NRP1: variants seen among roughly 807,000 people sequenced by gnomAD.
The protein encoded by NRP1 is neuropilin 1, also known as neuropilin-1.
Under a neutral mutation model 106.7 loss-of-function variants are expected in NRP1, and 35 were observed. The ratio of observed to expected loss-of-function variants is 0.33; its 90% CI spans 0.25 to 0.43. The LOEUF is 0.43. Among genes scored for constraint, NRP1 ranks in the 20% least tolerant of loss-of-function variants. NRP1 has a pLI of 1.00. For missense variants in NRP1, 1,024 were observed against 1,170.4 expected, an observed-to-expected ratio of 0.87 and a Z score of 1.83; for synonymous variants, 437 against 417.9, an observed-to-expected ratio of 1.05 and a Z score of -0.56.
intron 2 of NRP1, among the ~76,000 whole-genome samples, chr10:33,285,905 C>T (rs72790258): frequency 0.048 from 7,309 of 152,112 alleles, 250 homozygotes; most frequent in Non-Finnish European, 0.071. Flanking sequence ...GGGGAAATTC[C>T]GAATCCAGAC....
chr10:33,307,726 T>C (rs1009466183), intron 2 of NRP1, among the ~76,000 whole-genome samples: 4 of 152,238 alleles, frequency 2.6e-5, no homozygotes, highest in Non-Finnish European at 4.4e-5. Flanking sequence ...TAATTATTTA[T>C]AATCTTGAAA....
At chr10:33,245,697 T>C (rs1841366906) in intron 6 of NRP1, among the ~76,000 whole-genome samples, 1 of 152,202 alleles carries the variant, frequency 6.6e-6, no homozygotes, top group African/African-American at 2.4e-5. Context: ...CTGTGGTCTT[T>C]CAAATCACTT....
intron 2 of NRP1, among the ~76,000 whole-genome samples, chr10:33,275,893 G>A (rs977890708): frequency 2.6e-5 from 4 of 151,976 alleles, no homozygotes; most frequent in Non-Finnish European, 4.4e-5. Flanking sequence ...CTGGTCAACA[G>A]GGCAAGACTC....
chr10:33,208,660 A>G (rs1838018538), intron 9 of NRP1, among the ~76,000 whole-genome samples: 1 of 152,164 alleles, frequency 6.6e-6, no homozygotes, highest in Non-Finnish European at 1.5e-5. Context: ...GTCCTTTTAA[A>G]TATCAAACAT....
intron 13 of NRP1, among the ~76,000 whole-genome samples, chr10:33,191,922 G>C (rs1162610006): frequency 6.8e-6 from 1 of 147,544 alleles, no homozygotes; most frequent in South Asian, 2.2e-4. Flanking sequence ...AGGTTGCAGT[G>C]AGTGGAGCTA....
intron 12 of NRP1, among the ~76,000 whole-genome samples, chr10:33,194,118 C>G (rs1031600906): frequency 6.6e-6 from 1 of 152,142 alleles, no homozygotes; most frequent in Non-Finnish European, 1.5e-5. Flanking sequence ...AAACCCTCTC[C>G]AAAATTTACC....
chr10:33,223,647 C>A (rs927682208), intron 7 of NRP1, among the ~76,000 whole-genome samples: 3 of 152,098 alleles, frequency 2.0e-5, no homozygotes, highest in Non-Finnish European at 2.9e-5. Context: ...TTAAATAAGT[C>A]AGTTTTTAGC....
intron 1 of NRP1, among the ~76,000 whole-genome samples, chr10:33,333,915 C>T (rs909142662): frequency 2.6e-5 from 4 of 152,102 alleles, no homozygotes; most frequent in Non-Finnish European, 4.4e-5. Flanking sequence ...AGCAAAGGAA[C>T]CAGGAAGTAA....
At chr10:33,192,550 A>G (rs2243920) in intron 12 of NRP1, 132 bp from the exon 13 acceptor site, 367,772 of 917,212 alleles carry the variant, frequency 0.4, 79,679 homozygotes, top group East Asian at 0.77. Flanking sequence ...TGAAAATTCC[A>G]GGAAAGCCAG....
At chr10:33,192,995 A>C (rs1292032722) in intron 12 of NRP1, among the ~76,000 whole-genome samples, 4 of 152,102 alleles carry the variant, frequency 2.6e-5, no homozygotes, top group Non-Finnish European at 5.9e-5. Context: ...CATGCCTTCT[A>C]TAAGGTCGAT....
In NRP1 at chr10:33,213,532, C is replaced by G. The variant is rs1160845721; in HGVS notation, c.1468G>C (p.Gly490Arg). 1 of 1,614,072 alleles carries G rather than the reference C, an allele frequency of 6.2e-7. No homozygotes were observed. Among genetic ancestry groups the G allele is most frequent in the East Asian group, 2.2e-5 (1 of 44,852 alleles). ...YINEWLQIDL[G>R]EEKIVRGIII... The stretch of plus-strand genomic sequence containing the variant: ...ATGCCCCTCACGATCTTCTCCTCCC[C>G]CAGGTCTATTTGGAGCCACTCATTG... Residue 490 changes from glycine (G) to arginine (R), a missense_variant, in exon 9 of 17, where the codon GGG becomes CGG. Gly to Arg is a moderately radical substitution (Grantham distance 125, BLOSUM62 -2). Coordinates refer to ENST00000374867, the MANE Select transcript of NRP1 (RefSeq NM_003873.7).
intron 2 of NRP1, among the ~76,000 whole-genome samples, chr10:33,303,756 T>G (rs928607480): frequency 6.6e-6 from 1 of 152,202 alleles, no homozygotes; most frequent in Non-Finnish European, 1.5e-5. Context: ...ACATTTTAGT[T>G]ATAGCATTCA....
At position 33,276,021 on chromosome 10, in the gene NRP1, A is replaced by G. The variant is rs1588900744; in HGVS notation, c.249-5165T>C. Among the ~76,000 whole-genome samples, 3 of 152,344 alleles carry G rather than the reference A, an allele frequency of 2.0e-5. No individual in the cohort carries two copies. In the East Asian group the frequency reaches 5.8e-4, roughly 29 times the overall value. On this transcript the variant is annotated intron_variant, in intron 2 of 16. Transcript: ENST00000374867. ...AATCAGAATATAAAACCCTATATAC[A>G]GTGTATTCTCAACTCTTATTCATAT...
At position 33,314,347 on chromosome 10, in the gene NRP1, G is replaced by A. The variant is rs368974149; in HGVS notation, c.248+16361C>T. On this transcript the variant is annotated intron_variant, in intron 2 of 16. Transcript: ENST00000374867. ...TCCCATCTTGGTCTCCCAAAGTATT[G>A]GGATTACAGGCATGAGCCACTGTGT... 2.0e-5 allele frequency among the ~76,000 whole-genome samples: 3 copies of A among 152,292 alleles called. No individual in the cohort carries two copies. In the East Asian group the frequency reaches 5.8e-4, roughly 29 times the overall value.
chr10:33,273,239 C>G (rs570010222), intron 2 of NRP1, among the ~76,000 whole-genome samples: 24 of 152,274 alleles, frequency 1.6e-4, no homozygotes, highest in Admixed American at 1.4e-3. Flanking sequence ...TTTAGCACTT[C>G]CCTTCAAAGT....
intron 2 of NRP1, among the ~76,000 whole-genome samples, chr10:33,278,281 G>T: frequency 6.6e-6 from 1 of 152,176 alleles, no homozygotes. Flanking sequence ...CAGATTCCAT[G>T]TATTACTACA....
At chr10:33,279,402 C>T (rs1843946555) in intron 2 of NRP1, among the ~76,000 whole-genome samples, 1 of 152,164 alleles carries the variant, frequency 6.6e-6, no homozygotes, top group Non-Finnish European at 1.5e-5. Flanking sequence ...GAAGCCTCTG[C>T]CCTCTTTCTG....
chr10:33,297,600 T>C (rs1329472578), intron 2 of NRP1, among the ~76,000 whole-genome samples: 3 of 151,370 alleles, frequency 2.0e-5, no homozygotes, highest in Non-Finnish European at 4.4e-5. Context: ...GGCAGGAGAA[T>C]TGCTTGAACC....
rs796414659 is a variant in NRP1, at chr10:33,178,135, A to G, written c.*1941T>C. 5 of 152,774 alleles carry G rather than the reference A, an allele frequency of 3.3e-5. No homozygotes were observed. Among genetic ancestry groups the G allele is most frequent in the African/African-American group, 1.2e-4 (5 of 41,590 alleles). 9.5% of individuals were successfully genotyped at this position (152,774 alleles called of 1,614,324 possible). On this transcript the variant is annotated 3_prime_UTR_variant, in exon 17 of 17. Coordinates refer to ENST00000374867, the MANE Select transcript of NRP1 (RefSeq NM_003873.7). ...GGTGATCAATATTTTCCTGGAAACA[A>G]AAGGCATTCTCAATCCAATTTAACT...
Sources: allele counts gnomAD v4.1 joint callset (sites outside exome capture counted in the v4.1 genomes callset), GRCh38; gene constraint gnomAD v4.1.1; transcripts MANE v1.5; gene names NCBI Gene and HGNC (gene_info 2026-07-23, HGNC 2026-07-21).